F11: variants seen among roughly 807,000 people sequenced by gnomAD.
F11 encodes coagualtion factor XI.
Under a neutral mutation model 76.5 loss-of-function variants are expected in F11, and 78 were observed. That is an observed-to-expected ratio of 1.02 (90% confidence interval 0.85 to 1.23). The LOEUF (loss-of-function observed/expected upper bound fraction) is 1.23, where lower values mean the gene tolerates loss of function less well. Ranked by LOEUF, F11 falls within the 50% of genes most tolerant of loss-of-function variation. The probability of loss-of-function intolerance (pLI) is 0.00; values close to 1 mark genes in which losing one functional copy is unlikely to be tolerated. For missense variants in F11, 742 were observed against 771.4 expected, an observed-to-expected ratio of 0.96 and a Z score of 0.45; for synonymous variants, 278 against 276.3, an observed-to-expected ratio of 1.01 and a Z score of -0.06.
intron 5 of F11, among the ~76,000 whole-genome samples, chr4:186,275,345 A>C (rs977222722): frequency 6.6e-6 from 1 of 151,330 alleles, no homozygotes; most frequent in Non-Finnish European, 1.5e-5. Flanking sequence ...GAATACAAAA[A>C]TTAGCCAGGC....
At chr4:186,281,995 A>G (rs1377015733) in intron 10 of F11, 1 of 1,260,638 alleles carries the variant, frequency 7.9e-7, no homozygotes, top group Non-Finnish European at 1.0e-6. Flanking sequence ...AAAGCAAGTC[A>G]ATTACGTCGT....
chr4:186,284,997 T>C (rs1177770243), intron 11 of F11, among the ~76,000 whole-genome samples: 6 of 152,136 alleles, frequency 3.9e-5, no homozygotes, highest in Non-Finnish European at 8.8e-5. Context: ...CATCCTCACA[T>C]TGGATTCCTT....
At chr4:186,279,451 GC>G (rs1740621137) in intron 7 of F11, among the ~76,000 whole-genome samples, 1 of 152,056 alleles carries the variant, frequency 6.6e-6, no homozygotes, top group African/African-American at 2.4e-5. Flanking sequence ...CATTTCAAGT[GC>G]CCAATAGCCA....
intron 2 of F11, 87 bp downstream of exon 2, chr4:186,267,278 A>T: frequency 1.1e-6 from 1 of 880,554 alleles, no homozygotes; most frequent in South Asian, 1.3e-5. Flanking sequence ...CACACCATTT[A>T]TGCCGGGAAG....
chr4:186,270,507 A>G (rs945782203), intron 2 of F11, among the ~76,000 whole-genome samples: 3 of 152,124 alleles, frequency 2.0e-5, no homozygotes, highest in Non-Finnish European at 4.4e-5. Flanking sequence ...CAAGTAGTGA[A>G]CACAGCCTCC....
At chr4:186,272,002 A>G (rs1482281971) in intron 3 of F11, among the ~76,000 whole-genome samples, 1 of 152,176 alleles carries the variant, frequency 6.6e-6, no homozygotes, top group Non-Finnish European at 1.5e-5. Context: ...TCTCATATTA[A>G]TGGTATGTTT....
At position 186,286,524 on chromosome 4, in the gene F11, T is replaced by C. The variant is rs1230742988; in HGVS notation, c.1576+14T>C. ...GAAAACTAAGAGGTAAAAATGATGT[T>C]GTTATATGTGCTCCATCCTAGAAAT... On this transcript the variant is annotated intron_variant, in intron 13 of 14. Transcript: ENST00000403665. 2.5e-6 allele frequency: 4 copies of C among 1,613,054 alleles called. No homozygotes were observed. The East Asian group carries it at 8.9e-5, about 36-fold the overall frequency.
intron 1 of F11, among the ~76,000 whole-genome samples, chr4:186,266,748 G>A (rs1429777802): frequency 6.6e-6 from 1 of 152,084 alleles, no homozygotes; most frequent in Non-Finnish European, 1.5e-5. Flanking sequence ...ATAGGGAGAG[G>A]CCTCAAGGAA....
intron 10 of F11, 72 bp downstream of exon 10, chr4:186,280,652 T>G (rs988346660): frequency 3.1e-6 from 4 of 1,280,878 alleles, no homozygotes; most frequent in African/African-American, 1.5e-5. Context: ...CAATCAAGAC[T>G]GTCAGTTATA....
chr4:186,276,203 T>C (rs1311934349), intron 6 of F11, 28 bp from the exon 7 acceptor site: 16 of 1,613,958 alleles, frequency 9.9e-6, no homozygotes, highest in Non-Finnish European at 1.4e-5. Context: ...GTGAATTGAG[T>C]CCCTGACATA....
chr4:186,286,468 A>C lies in F11; in HGVS notation c.1534A>C (p.Thr512Pro). The change falls in exon 13 of 15, where the codon ACT (threonine) becomes CCT (proline). Residue 512 changes from threonine (T) to proline (P), a missense_variant. By Grantham distance (38) the Thr-to-Pro change is conservative. Coordinates refer to ENST00000403665, the MANE Select transcript of F11 (RefSeq NM_000128.4). Reference sequence around the variant, plus strand: ...CAAAGGAGATAGAAATGTAATATACACTGATTGCTGGGTGACTGGATGGGG... The same window carrying C: ...CAAAGGAGATAGAAATGTAATATACCCTGATTGCTGGGTGACTGGATGGGG... ...PSKGDRNVIY[T>P]DCWVTGWGYR... 1 of 1,614,058 alleles carries C rather than the reference A, an allele frequency of 6.2e-7. No homozygotes were observed. The highest frequency in any genetic ancestry group is 8.5e-7 in the Non-Finnish European group (1 of 1,179,928).
At position 186,288,714 on chromosome 4, in the gene F11, G is replaced by A. The variant is rs1281936422; in HGVS notation, c.*100G>A. ...CAGCATGCTTCCTCCACAGTAACACGCTGAAGGGGCTTGGTGTTTGTAAGA... is the reference window on the plus strand; with the variant it reads ...CAGCATGCTTCCTCCACAGTAACACACTGAAGGGGCTTGGTGTTTGTAAGA... On this transcript the variant is annotated 3_prime_UTR_variant, in exon 15 of 15. Transcript: ENST00000403665. The A allele has an allele frequency of 7.8e-6, 10 of 1,288,510 alleles. No individual in the cohort carries two copies. The highest frequency in any genetic ancestry group is 2.5e-5 in the South Asian group (2 of 78,640). 79.8% of individuals were successfully genotyped at this position (1,288,510 alleles called of 1,614,324 possible).
chr4:186,290,326 G>A (rs1179831762), downstream of F11, among the ~76,000 whole-genome samples: 2 of 152,104 alleles, frequency 1.3e-5, no homozygotes, highest in African/African-American at 2.4e-5. Flanking sequence ...ATGCTGACAG[G>A]TTCCCAAAAG....
rs750293726 is a variant in F11, at chr4:186,276,224, C to A, written c.596-7C>A. 5.6e-6 allele frequency: 9 copies of A among 1,614,074 alleles called. No homozygotes were observed. The South Asian group carries it at 9.9e-5, about 18-fold the overall frequency. The stretch of plus-strand genomic sequence containing the variant: ...TGAGTCCCTGACATAGTTCTTCCGT[C>A]GCGCAGCTTGTATTAGGGACATTTT... On this transcript the variant is annotated splice_polypyrimidine_tract_variant and splice_region_variant and intron_variant, in intron 6 of 14. Coordinates refer to ENST00000403665, the MANE Select transcript of F11 (RefSeq NM_000128.4).
intron 1 of F11, 144 bp from the exon 2 acceptor site, chr4:186,266,992 T>TCC (rs1739552745): frequency 1.5e-6 from 1 of 659,450 alleles, no homozygotes; most frequent in Non-Finnish European, 2.8e-6. Context: ...GGAAAGAAAA[T>TCC]TCAACATTAT....
At chr4:186,284,363 T>A (rs1332125817) in intron 11 of F11, 103 bp downstream of exon 11, 5 of 1,195,482 alleles carry the variant, frequency 4.2e-6, no homozygotes, top group Non-Finnish European at 6.0e-6. Context: ...TAGATTGTCT[T>A]ATTTGCAAAA....
Position 186,285,631 on chromosome 4 carries a change from T to C in F11, c.1305-7T>C. ...AAATTTCTTTCCCTCTGTTGTTTGC[T>C]CCTTAGGGTAGAGTCACCTAAGATT... On this transcript the variant is annotated splice_polypyrimidine_tract_variant and splice_region_variant and intron_variant, in intron 11 of 14. Transcript: ENST00000403665. The C allele has an allele frequency of 6.2e-7, 1 of 1,613,608 alleles. No homozygotes were observed.
At chr4:186,268,882 G>C (rs1739707313) in intron 2 of F11, among the ~76,000 whole-genome samples, 1 of 152,158 alleles carries the variant, frequency 6.6e-6, no homozygotes, top group South Asian at 2.1e-4. Context: ...CAAGAAGATA[G>C]AGAATAGCAA....
intron 7 of F11, 39 bp downstream of exon 7, chr4:186,276,429 A>C: frequency 6.2e-7 from 1 of 1,603,668 alleles, no homozygotes. Context: ...GTTATCTTCT[A>C]AAAATAGCTG....
Sources: allele counts gnomAD v4.1 joint callset (sites outside exome capture counted in the v4.1 genomes callset), GRCh38; gene constraint gnomAD v4.1.1; transcripts MANE v1.5; gene names NCBI Gene and HGNC (gene_info 2026-07-23, HGNC 2026-07-21).